Variants in RAB7A observed in about 807,000 individuals in gnomAD.
RAB7A encodes the protein RAB7A, member RAS oncogene family, also known as ras-related protein Rab-7a.
RAB7A carries 2 observed loss-of-function variants against 24.5 expected under a neutral mutation model. That is an observed-to-expected ratio of 0.08 (90% CI 0.03 to 0.26). The LOEUF (loss-of-function observed/expected upper bound fraction) is 0.26. Among genes scored for constraint, RAB7A ranks in the 10% least tolerant of loss-of-function variants. The probability of loss-of-function intolerance (pLI) is 1.00; values close to 1 mark genes in which losing one functional copy is unlikely to be tolerated. For synonymous variants in RAB7A, 100 were observed against 95.9 expected (o/e 1.04, Z -0.25); for missense variants, 118 against 255.7 (o/e 0.46, Z 3.67).
intron 5 of RAB7A, among the ~76,000 whole-genome samples, chr3:128,808,629 C>T (rs1465658291): frequency 2.6e-5 from 4 of 152,100 alleles, no homozygotes; most frequent in Non-Finnish European, 4.4e-5. Flanking sequence ...ACCACTCATG[C>T]GAGTTGAAAG....
At chr3:128,764,292 T>G (rs1328132135) in intron 1 of RAB7A, among the ~76,000 whole-genome samples, 2 of 150,520 alleles carry the variant, frequency 1.3e-5, no homozygotes, top group Admixed American at 6.6e-5. Flanking sequence ...ACAACTTTCT[T>G]TCTTTTTTTT....
intron 1 of RAB7A, among the ~76,000 whole-genome samples, chr3:128,763,188 T>TTATATATATATATATATATATATATA (rs765866649): frequency 2.4e-5 from 2 of 82,118 alleles, no homozygotes; most frequent in African/African-American, 9.8e-5. Context: ...TACATTTAGC[T>TTATATATATATATATATATATATATA]TATATATATA....
At chr3:128,737,966 A>G (rs935326861) in intron 1 of RAB7A, among the ~76,000 whole-genome samples, 2 of 150,174 alleles carry the variant, frequency 1.3e-5, no homozygotes, top group Non-Finnish European at 1.5e-5. Flanking sequence ...ATGAATCACC[A>G]TGCCCAGCTC....
intron 1 of RAB7A, among the ~76,000 whole-genome samples, chr3:128,769,984 A>C (rs533743858): frequency 6.7e-6 from 1 of 149,774 alleles, no homozygotes; most frequent in African/African-American, 2.4e-5. Context: ...TAAACAACTT[A>C]CTTTTCTTTT....
intron 2 of RAB7A, among the ~76,000 whole-genome samples, chr3:128,795,966 TG>T (rs1933565702): frequency 6.6e-6 from 1 of 151,804 alleles, no homozygotes. Flanking sequence ...TTAGCCAGGA[TG>T]GTCTTGATCT....
At chr3:128,783,739 T>C (rs1933271798) in intron 1 of RAB7A, among the ~76,000 whole-genome samples, 1 of 152,234 alleles carries the variant, frequency 6.6e-6, no homozygotes, top group Non-Finnish European at 1.5e-5. Context: ...ATCTTGCTCT[T>C]TCTCATTCCA....
At chr3:128,774,078 T>TAAAAAAAA (rs146037243) in intron 1 of RAB7A, among the ~76,000 whole-genome samples, 1 of 111,082 alleles carries the variant, frequency 9.0e-6, no homozygotes, top group Non-Finnish European at 1.8e-5. Context: ...AATGATCAAT[T>TAAAAAAAA]AAAAAAAAAA....
At chr3:128,769,683 G>A (rs1342003651) in intron 1 of RAB7A, among the ~76,000 whole-genome samples, 2 of 152,156 alleles carry the variant, frequency 1.3e-5, no homozygotes, top group African/African-American at 2.4e-5. Context: ...TGTGCTATCT[G>A]TTAAAAGACA....
At chr3:128,746,214 G>A (rs2070613068) in intron 1 of RAB7A, among the ~76,000 whole-genome samples, 1 of 152,082 alleles carries the variant, frequency 6.6e-6, no homozygotes, top group Admixed American at 6.5e-5. Context: ...CCCAGCCTCT[G>A]TTCACCATCA....
At chr3:128,772,654 G>A (rs537604443) in intron 1 of RAB7A, among the ~76,000 whole-genome samples, 2 of 152,230 alleles carry the variant, frequency 1.3e-5, no homozygotes, top group Non-Finnish European at 2.9e-5. Flanking sequence ...TTCGCAAATT[G>A]TTGGACTTGT....
chr3:128,732,189 G>A (rs1302234800), intron 1 of RAB7A, among the ~76,000 whole-genome samples: 4 of 151,108 alleles, frequency 2.6e-5, no homozygotes, highest in African/African-American at 9.7e-5. Flanking sequence ...ACAGGTGCAC[G>A]TCACCATGCC....
chr3:128,747,479 G>A (rs1177410839), intron 1 of RAB7A, among the ~76,000 whole-genome samples: 9 of 151,440 alleles, frequency 5.9e-5, no homozygotes, highest in African/African-American at 2.0e-4. Flanking sequence ...CCAGCTACTT[G>A]GGAGGCTGAG....
intron 1 of RAB7A, among the ~76,000 whole-genome samples, chr3:128,752,738 C>CTTTTTTTTTTTTTTTTTTTTTTTTTT (rs11421152): frequency 1.5e-5 from 2 of 134,280 alleles, no homozygotes; most frequent in Non-Finnish European, 3.3e-5. Flanking sequence ...AGCTTTTCCT[C>CTTTTTTTTTTTTTTTTTTTTTTTTTT]TTTTTTTTTT....
In RAB7A at chr3:128,813,419, C is replaced by T. The variant is rs747616052; in HGVS notation, c.621C>T (p.Cys207=). ...RAKASAESCS[C] is the part of the protein sequence containing the mutation. Reference sequence around the variant, plus strand: ...AGGCCTCGGCAGAAAGCTGCAGTTGCTGAGGGGGCAGTGAGAGTTGAGCAC... The same window carrying T: ...AGGCCTCGGCAGAAAGCTGCAGTTGTTGAGGGGGCAGTGAGAGTTGAGCAC... Residue 207 remains cysteine (C), a synonymous_variant, in exon 6 of 6, where the codon TGC becomes TGT. Transcript: ENST00000265062. The T allele has an allele frequency of 1.9e-6, 3 of 1,613,958 alleles. No homozygotes were observed. The highest frequency in any genetic ancestry group is 4.5e-5 in the East Asian group (2 of 44,894).
At chr3:128,795,138 A>C (rs905113830) in intron 1 of RAB7A, 5 of 586,728 alleles carry the variant, frequency 8.5e-6, no homozygotes, top group Non-Finnish European at 1.5e-5. Flanking sequence ...AACAGCTTGC[A>C]GGGGCAGGAT....
chr3:128,765,153 G>C, intron 1 of RAB7A: 1 of 699,470 alleles, frequency 1.4e-6, no homozygotes, highest in Non-Finnish European at 2.6e-6. Context: ...TGGGGGACGA[G>C]CGCTGGGTTC....
chr3:128,755,078 T>A (rs960412871), intron 1 of RAB7A, among the ~76,000 whole-genome samples: 1 of 152,222 alleles, frequency 6.6e-6, no homozygotes, highest in African/African-American at 2.4e-5. Context: ...TTAAGTGGAC[T>A]TAGGACCTTC....
intron 3 of RAB7A, among the ~76,000 whole-genome samples, chr3:128,802,481 T>C (rs952659644): frequency 6.6e-6 from 1 of 152,096 alleles, no homozygotes; most frequent in African/African-American, 2.4e-5. Context: ...AGGGTACATA[T>C]TTTATTTTAT....
chr3:128,810,631 C>CT lies in RAB7A; in HGVS notation c.529-2694dup, dbSNP rs1426171312. 2.7e-5 allele frequency among the ~76,000 whole-genome samples: 4 copies of CT among 150,396 alleles called. No individual in the cohort carries two copies. The East Asian group carries it at 5.8e-4, about 22-fold the overall frequency. On this transcript the variant is annotated intron_variant, in intron 5 of 5. Coordinates refer to ENST00000265062, the MANE Select transcript of RAB7A (RefSeq NM_004637.6). The stretch of plus-strand genomic sequence containing the variant: ...CAAGGTGTCTCTGGTGTCACCTCTT[C>CT]TTATAAGGACACGAATTCTCAGATC...
Sources: gnomAD v4.1 joint callset for allele counts (sites outside exome capture counted in the v4.1 genomes callset) on GRCh38, gnomAD v4.1.1 for gene constraint, MANE v1.5 for transcripts, NCBI Gene and HGNC (gene_info 2026-07-23, HGNC 2026-07-21) for gene names.